Variants in COL7A1 observed in about 807,000 individuals in gnomAD.
COL7A1 encodes the protein collagen alpha-1(VII) chain.
COL7A1 carries 296 observed loss-of-function variants against 456.2 expected under a neutral mutation model. The observed-to-expected ratio is 0.65, with a 90% CI of 0.59 to 0.71. The LOEUF (loss-of-function observed/expected upper bound fraction) is 0.71, where lower values mean the gene tolerates loss of function less well. COL7A1 is among the 30% of genes least tolerant of loss of function. The pLI, the probability that COL7A1 is intolerant of heterozygous loss-of-function variation, is 0.00. For missense variants in COL7A1, 3,441 were observed against 4,017.2 expected (o/e 0.86, Z 3.88); for synonymous variants, 1,464 against 1,525.9 (o/e 0.96, Z 0.95).
Position 48,576,256 on chromosome 3 carries a change from C to T in COL7A1, c.5813G>A (p.Ser1938Asn), listed in dbSNP as rs1374373562. 1.2e-6 allele frequency: 2 copies of T among 1,613,678 alleles called. No individual in the cohort carries two copies. Among genetic ancestry groups the T allele is most frequent in the Non-Finnish European group, 1.7e-6 (2 of 1,180,022 alleles). The change falls in exon 71 of 119, where the codon AGT becomes AAT. Residue 1938 changes from serine to asparagine, a missense_variant. Transcript: ENST00000681320. Reference protein sequence around the residue: ...GERGLRGEPGSVPNVDRLLET... With the variant: ...GERGLRGEPGNVPNVDRLLET... ...ATCCCAAGCCTGGCTCACCGGCACA[C>T]TTCCAGGCTCTCCTCGCAGGCCACG...
At position 48,587,615 on chromosome 3, in the gene COL7A1, G is replaced by C; in HGVS notation, c.2858-61C>G. ...GAGTCCTGAGAACCCAGAAGGGAGA[G>C]ATCTGAGATCCTGGGTCCGGTTTGT... On this transcript the variant is annotated intron_variant, in intron 22 of 118. Coordinates refer to ENST00000681320, the MANE Select transcript of COL7A1 (RefSeq NM_000094.4). The surrounding 1 kb of genome is among the most constrained non-coding windows in gnomAD (Gnocchi z 6.1). 3.7e-6 allele frequency: 6 copies of C among 1,611,360 alleles called. No homozygotes were observed. Among genetic ancestry groups the C allele is most frequent in the Non-Finnish European group, 4.2e-6 (5 of 1,178,498 alleles).
Position 48,578,766 on chromosome 3 carries a change from C to G in COL7A1, c.5424+153G>C. On this transcript the variant is annotated intron_variant, in intron 63 of 118. Coordinates refer to ENST00000681320, the MANE Select transcript of COL7A1 (RefSeq NM_000094.4). This position sits in a 1 kb window ranked among gnomAD's most constrained non-coding sequence, Gnocchi z 4.7. ...GCAAAGAAGGTCAGAAAGGGGGATT[C>G]TACTAAAACCTGTGTGCCAGGGACT... is the stretch of plus-strand genomic sequence containing the variant. 1.2e-6 allele frequency: 1 copy of G among 826,286 alleles called. No homozygotes were observed. The highest frequency in any genetic ancestry group is 1.9e-6 in the Non-Finnish European group (1 of 538,878). The allele number at this position is 826,286 out of a possible 1,614,324, so 51.2% of individuals were successfully genotyped here. A position where few individuals can be genotyped will look rare whatever the true frequency, so the allele number is the denominator to read the frequency against.
At chr3:48,584,631 C>A in intron 35 of COL7A1, 75 bp from the exon 36 acceptor site, 1 of 1,612,084 alleles carries the variant, frequency 6.2e-7, no homozygotes, top group Non-Finnish European at 8.5e-7. Context: ...TAGACATGTC[C>A]AGCTATTCCT....
In COL7A1 at chr3:48,580,250, G is replaced by A. The variant is rs765752667; in HGVS notation, c.5097+50C>T. 2.4e-5 allele frequency: 38 copies of A among 1,596,540 alleles called. No individual in the cohort carries two copies. The highest frequency in any genetic ancestry group is 3.4e-5 in the Admixed American group (2 of 58,516). The stretch of plus-strand genomic sequence containing the variant: ...TGTGTGAAGGCACACTGGCAGCAGC[G>A]CCAGGGGACCCTCCATCCCTTCTGA... On this transcript the variant is annotated intron_variant, in intron 56 of 118. Coordinates refer to ENST00000681320, the MANE Select transcript of COL7A1 (RefSeq NM_000094.4). The surrounding 1 kb of genome is among the most constrained non-coding windows in gnomAD (Gnocchi z 4.5).
At position 48,570,943 on chromosome 3, in the gene COL7A1, G is replaced by A; in HGVS notation, c.7190C>T (p.Pro2397Leu). Residue 2397 changes from proline (P) to leucine (L), a missense_variant, in exon 95 of 119, where the codon CCC (proline) becomes CTC (leucine). Around this residue, in one of 3 missense-constraint regions of COL7A1, gnomAD observed 2,084 missense variants for 2,501.3 expected, o/e 0.83. Transcript: ENST00000681320. The surrounding 1 kb of genome is among the most constrained non-coding windows in gnomAD (Gnocchi z 5.5). ...VKGDLGLPGLPGAPGVVGFPG... is the reference protein window; with the variant it reads ...VKGDLGLPGLLGAPGVVGFPG... ...GAACCCAACAACACCAGGAGCACCG[G>A]GCAGGCCAGGGAGGCCCAGATCTCC... 7 of 1,613,654 alleles carry A rather than the reference G, an allele frequency of 4.3e-6. No individual in the cohort carries two copies. Among genetic ancestry groups the A allele is most frequent in the African/African-American group, 2.7e-5 (2 of 75,036 alleles).
chr3:48,586,653 G>C lies in COL7A1; in HGVS notation c.3313C>G (p.Leu1105Val), dbSNP rs748066277. ...LLSYSHRPSP[L>V]FPLNGSHDLG... ...TCATGGGAGCCATTCAGTGGGAACAGTGGGGAGGGCCGATGACTGTAAGAC... is the reference window on the plus strand; with the variant it reads ...TCATGGGAGCCATTCAGTGGGAACACTGGGGAGGGCCGATGACTGTAAGAC... The change falls in exon 26 of 119, where the codon CTG (leucine) becomes GTG (valine). Residue 1105 changes from leucine to valine, a missense_variant. Leu to Val is a conservative substitution (Grantham distance 32). Around this residue, in one of 3 missense-constraint regions of COL7A1, gnomAD observed 444 missense variants for 427.6 expected, o/e 1.04. Coordinates refer to ENST00000681320, the MANE Select transcript of COL7A1 (RefSeq NM_000094.4). The surrounding 1 kb of genome is among the most constrained non-coding windows in gnomAD (Gnocchi z 5.1). The C allele has an allele frequency of 6.2e-7, 1 of 1,612,078 alleles. No individual in the cohort carries two copies.
At position 48,585,229 on chromosome 3, in the gene COL7A1, G is replaced by T; in HGVS notation, c.3895-113C>A. On this transcript the variant is annotated intron_variant, in intron 32 of 118. Transcript: ENST00000681320. This position sits in a 1 kb window ranked among gnomAD's most constrained non-coding sequence, Gnocchi z 4.5. ...TCGCCTACCCCACTGACCCCCAAGT[G>T]TTATTGGGGGTGGAACAGTGAGGCA... The T allele has an allele frequency of 9.8e-7, 1 of 1,020,662 alleles. No homozygotes were observed. The highest frequency in any genetic ancestry group is 1.5e-6 in the Non-Finnish European group (1 of 680,142). 63.2% of individuals were successfully genotyped at this position (1,020,662 alleles called of 1,614,324 possible). A position where few individuals can be genotyped will look rare whatever the true frequency, so the allele number is the denominator to read the frequency against.
rs200187486 is a variant in COL7A1, at chr3:48,573,477, G to A, written c.6618+36C>T. ...ACCCCAGGCATGGACACAGCTTGAA[G>A]GAGCCTCCTCCTCCTATCCACACAC... On this transcript the variant is annotated intron_variant, in intron 83 of 118. Coordinates refer to ENST00000681320, the MANE Select transcript of COL7A1 (RefSeq NM_000094.4). The surrounding 1 kb of genome is among the most constrained non-coding windows in gnomAD (Gnocchi z 5.5). 1.1e-4 allele frequency: 182 copies of A among 1,614,054 alleles called. No individual in the cohort carries two copies. In the African/African-American group the frequency reaches 2.0e-3, roughly 18 times the overall value.
intron 47 of COL7A1, 113 bp downstream of exon 47, chr3:48,582,210 C>T: frequency 8.2e-6 from 13 of 1,583,074 alleles, no homozygotes; most frequent in Non-Finnish European, 1.1e-5. Flanking sequence ...CGCAGAGCTC[C>T]CAGCCTGCTC....
rs2045725044 is a variant in COL7A1, at chr3:48,591,850, G to C, written c.1358-28C>G. On this transcript the variant is annotated intron_variant, in intron 11 of 118. Transcript: ENST00000681320. This position sits in a 1 kb window ranked among gnomAD's most constrained non-coding sequence, Gnocchi z 7.0. Reference sequence around the variant, plus strand: ...GCAAGATAACAGGGTCAGACCAGCAGAGGCCATGCCCTGACCCTTGCCTGT... The same window carrying C: ...GCAAGATAACAGGGTCAGACCAGCACAGGCCATGCCCTGACCCTTGCCTGT... The C allele has an allele frequency of 1.9e-6, 3 of 1,614,062 alleles. No individual in the cohort carries two copies. In the South Asian group the frequency reaches 3.3e-5, roughly 18 times the overall value.
intron 65 of COL7A1, among the ~76,000 whole-genome samples, chr3:48,577,866 C>T (rs1056599990): frequency 6.6e-6 from 1 of 152,188 alleles, no homozygotes; most frequent in African/African-American, 2.4e-5. Flanking sequence ...CCTGTGTGTG[C>T]ATATAGAACT....
rs755746822 is a variant in COL7A1 at position 48,575,785 on chromosome 3, T to A, written c.5857-37A>T. 9.3e-6 allele frequency: 15 copies of A among 1,613,638 alleles called. No homozygotes were observed. The East Asian group carries it at 2.2e-4, about 24-fold the overall frequency. On this transcript the variant is annotated intron_variant, in intron 72 of 118. Transcript: ENST00000681320. This position sits in a 1 kb window ranked among gnomAD's most constrained non-coding sequence, Gnocchi z 6.3. ...CAAGAGGTCAGAGGAGCGGGGTGCGTCGCCGCAGCCCCTATGCCTGTGGGC... is the reference window on the plus strand; with the variant it reads ...CAAGAGGTCAGAGGAGCGGGGTGCGACGCCGCAGCCCCTATGCCTGTGGGC...
Position 48,580,743 on chromosome 3 carries a change from C to A in COL7A1, c.4981-91G>T. 1.3e-6 allele frequency: 2 copies of A among 1,570,372 alleles called. No homozygotes were observed. The highest frequency in any genetic ancestry group is 1.8e-6 in the Non-Finnish European group (2 of 1,142,844). On this transcript the variant is annotated intron_variant, in intron 54 of 118. Transcript: ENST00000681320. The surrounding 1 kb of genome is among the most constrained non-coding windows in gnomAD (Gnocchi z 4.5). ...ACACTGCCCCAGGTTCCCCATTACT[C>A]CAAAATCCACATCAGAGGTTCCCAT...
At position 48,591,160 on chromosome 3, in the gene COL7A1, G is replaced by A. The variant is rs1213986923; in HGVS notation, c.1636+304C>T. ...TGCTGGATGGGGACATGCAATGAGA[G>A]GTTGGTGTACAGTGGTCACCACTAG... is the stretch of plus-strand genomic sequence containing the variant. On this transcript the variant is annotated intron_variant, in intron 13 of 118. Coordinates refer to ENST00000681320, the MANE Select transcript of COL7A1 (RefSeq NM_000094.4). This position sits in a 1 kb window ranked among gnomAD's most constrained non-coding sequence, Gnocchi z 7.0. 3.9e-5 allele frequency among the ~76,000 whole-genome samples: 6 copies of A among 152,174 alleles called. No individual in the cohort carries two copies. Among genetic ancestry groups the A allele is most frequent in the Non-Finnish European group, 8.8e-5 (6 of 68,038 alleles).
At chr3:48,577,380 T>C (rs1433362958) in intron 65 of COL7A1, among the ~76,000 whole-genome samples, 1 of 152,240 alleles carries the variant, frequency 6.6e-6, no homozygotes, top group Non-Finnish European at 1.5e-5. Flanking sequence ...TGTGTCCTGG[T>C]CTGTTTGCAC....
chr3:48,578,836 T>C lies in COL7A1; in HGVS notation c.5424+83A>G. 2 of 1,440,052 alleles carry C rather than the reference T, an allele frequency of 1.4e-6. No individual in the cohort carries two copies. Among genetic ancestry groups the C allele is most frequent in the East Asian group, 2.4e-5 (1 of 41,534 alleles). The allele number at this position is 1,440,052 out of a possible 1,614,324, so 89.2% of individuals were successfully genotyped here. A position where few individuals can be genotyped will look rare whatever the true frequency, so the allele number is the denominator to read the frequency against. On this transcript the variant is annotated intron_variant, in intron 63 of 118. Coordinates refer to ENST00000681320, the MANE Select transcript of COL7A1 (RefSeq NM_000094.4). The surrounding 1 kb of genome is among the most constrained non-coding windows in gnomAD (Gnocchi z 4.7). Reference sequence around the variant, plus strand: ...GGCTGAACCGACCCCCCACCAACTCTCTCGGATGCTGTGACTATGATGATC... The same window carrying C: ...GGCTGAACCGACCCCCCACCAACTCCCTCGGATGCTGTGACTATGATGATC...
intron 47 of COL7A1, 115 bp downstream of exon 47, chr3:48,582,208 T>C: frequency 6.3e-7 from 1 of 1,579,636 alleles, no homozygotes; most frequent in Non-Finnish European, 8.7e-7. Flanking sequence ...GCCGCAGAGC[T>C]CCCAGCCTGC....
In COL7A1 at chr3:48,591,329, G is replaced by A; in HGVS notation, c.1636+135C>T. On this transcript the variant is annotated intron_variant, in intron 13 of 118. Transcript: ENST00000681320. This position sits in a 1 kb window ranked among gnomAD's most constrained non-coding sequence, Gnocchi z 7.0. ...AGTTCAGGGCTCAGTGCCATCTTGG[G>A]AAGCAGATGGATAACGAGACAGGGA... The A allele has an allele frequency of 8.0e-6, 10 of 1,248,476 alleles. No homozygotes were observed. Among genetic ancestry groups the A allele is most frequent in the Non-Finnish European group, 1.1e-5 (10 of 895,664 alleles). 77.3% of individuals were successfully genotyped at this position (1,248,476 alleles called of 1,614,324 possible).
Position 48,585,812 on chromosome 3 carries a change from G to C in COL7A1, c.3786+18C>G, listed in dbSNP as rs371113036. The stretch of plus-strand genomic sequence containing the variant: ...ACACTCAACCCATTCTCTATTCCCC[G>C]CCCGCAGGGGCACTCACCATCTCTC... On this transcript the variant is annotated intron_variant, in intron 30 of 118. Transcript: ENST00000681320. The surrounding 1 kb of genome is among the most constrained non-coding windows in gnomAD (Gnocchi z 4.5). 2 of 1,614,008 alleles carry C rather than the reference G, an allele frequency of 1.2e-6. No individual in the cohort carries two copies. The highest frequency in any genetic ancestry group is 1.7e-6 in the Non-Finnish European group (2 of 1,179,994).
Sources: allele counts gnomAD v4.1 joint callset (sites outside exome capture counted in the v4.1 genomes callset), GRCh38; gene constraint gnomAD v4.1.1; regional missense constraint gnomAD v4.1.1; non-coding constraint Gnocchi (gnomAD v3.1); transcripts MANE v1.5; gene names NCBI Gene and HGNC (gene_info 2026-07-23, HGNC 2026-07-21).